The following ITPR1 variants were observed in gnomAD, a reference collection of about 807,000 sequenced individuals.
ITPR1 encodes inositol 1,4,5-trisphosphate-gated calcium channel ITPR1.
In ITPR1, 96 loss-of-function variants were observed where a neutral mutation model predicts 318.4. The observed-to-expected ratio is 0.30, with a 90% CI of 0.26 to 0.36. The LOEUF is 0.36. ITPR1 is among the 10% of genes least tolerant of loss of function. The pLI is 1.00. For synonymous variants in ITPR1, 1,312 were observed against 1,289.9 expected (o/e 1.02, Z -0.37); for missense variants, 2,440 against 3,460.2 (o/e 0.71, Z 7.40).
intron 4 of ITPR1, among the ~76,000 whole-genome samples, chr3:4,524,757 C>T (rs2082843803): frequency 6.6e-6 from 1 of 152,154 alleles, no homozygotes; most frequent in African/African-American, 2.4e-5. Flanking sequence ...GATCTGCAGC[C>T]CTAATGGTTA....
intron 4 of ITPR1, among the ~76,000 whole-genome samples, chr3:4,531,837 G>T (rs1408441659): frequency 6.6e-6 from 1 of 152,104 alleles, no homozygotes; most frequent in Non-Finnish European, 1.5e-5. Flanking sequence ...TTGTGTGCAG[G>T]CAAGCAGCTG....
At chr3:4,742,629 A>G (rs913668714) in intron 44 of ITPR1, among the ~76,000 whole-genome samples, 1 of 152,012 alleles carries the variant, frequency 6.6e-6, no homozygotes, top group Admixed American at 6.6e-5. Context: ...TTATTTGTTC[A>G]TATATATTTT....
At chr3:4,606,361 T>C (rs2091702001) in intron 4 of ITPR1, among the ~76,000 whole-genome samples, 1 of 152,088 alleles carries the variant, frequency 6.6e-6, no homozygotes, top group African/African-American at 2.4e-5. Flanking sequence ...ATGGCACTGA[T>C]GCTGCTGGTA....
At chr3:4,733,025 A>G in intron 42 of ITPR1, 63 bp from the exon 43 acceptor site, 1 of 1,538,658 alleles carries the variant, frequency 6.5e-7, no homozygotes. Context: ...TGTGTTTTGA[A>G]TATTCGTCCC....
At chr3:4,824,176 C>T (rs1196086159) in intron 60 of ITPR1, among the ~76,000 whole-genome samples, 1 of 152,166 alleles carries the variant, frequency 6.6e-6, no homozygotes, top group Non-Finnish European at 1.5e-5. Flanking sequence ...AATGCACCAG[C>T]GCTGCCGTTT....
intron 52 of ITPR1, 81 bp from the exon 53 acceptor site, chr3:4,794,984 C>T (rs1407221743): frequency 4.2e-6 from 6 of 1,441,170 alleles, no homozygotes; most frequent in Non-Finnish European, 4.6e-6. Flanking sequence ...TGGGGCAGAG[C>T]TGGCGGAAGG....
rs184134399 is a variant in ITPR1 at position 4,834,841 on chromosome 3, G to A, written c.8029-1933G>A. ...GCCCATTGCTCTGTGGTGGGAAATT[G>A]ATGAATATAAGCTAATGTTAAGACA... is the stretch of plus-strand genomic sequence containing the variant. On this transcript the variant is annotated intron_variant, in intron 60 of 61. Coordinates refer to ENST00000649015, the MANE Select transcript of ITPR1 (RefSeq NM_001378452.1). Among the ~76,000 whole-genome samples, 79 of 152,294 alleles carry A rather than the reference G, an allele frequency of 5.2e-4. 1 individual carries two copies. Among genetic ancestry groups the A allele is most frequent in the African/African-American group, 1.8e-3 (73 of 41,562 alleles).
chr3:4,668,957 CTT>C (rs1476881088), intron 18 of ITPR1, among the ~76,000 whole-genome samples: 1 of 152,228 alleles, frequency 6.6e-6, no homozygotes, highest in Non-Finnish European at 1.5e-5. Context: ...TTCCCCTTCT[CTT>C]GTCCTTCTAA....
chr3:4,510,081 G>T (rs2081688652), intron 2 of ITPR1, among the ~76,000 whole-genome samples: 1 of 152,218 alleles, frequency 6.6e-6, no homozygotes, highest in African/African-American at 2.4e-5. Context: ...GTCGGAGAGG[G>T]CTTCCCAGAG....
At chr3:4,792,961 C>A (rs998776525) in intron 52 of ITPR1, among the ~76,000 whole-genome samples, 1 of 151,986 alleles carries the variant, frequency 6.6e-6, no homozygotes, top group Non-Finnish European at 1.5e-5. Flanking sequence ...TCGGGAACCA[C>A]CACTAGATTG....
At chr3:4,750,786 A>G (rs1238754096) in intron 44 of ITPR1, 1 of 144,500 alleles carries the variant, frequency 6.9e-6, no homozygotes, top group East Asian at 2.0e-4. Context: ...TCTCACACCT[A>G]CTCATGATTC....
intron 54 of ITPR1, among the ~76,000 whole-genome samples, chr3:4,804,031 C>T (rs1375336848): frequency 6.6e-6 from 1 of 152,150 alleles, no homozygotes; most frequent in Non-Finnish European, 1.5e-5. Context: ...GCCGCCATGC[C>T]TGGCTAATTT....
chr3:4,571,305 C>T (rs1325137308), intron 4 of ITPR1, among the ~76,000 whole-genome samples: 9 of 152,206 alleles, frequency 5.9e-5, no homozygotes, highest in African/African-American at 2.2e-4. Flanking sequence ...CGTAATTTCA[C>T]TTCTTTTTCT....
chr3:4,532,552 G>A (rs1294310904), intron 4 of ITPR1, among the ~76,000 whole-genome samples: 1 of 151,976 alleles, frequency 6.6e-6, no homozygotes, highest in Non-Finnish European at 1.5e-5. Context: ...TGTATTTTTT[G>A]TAGAGACGGG....
At position 4,742,381 on chromosome 3, in the gene ITPR1, G is replaced by A. The variant is rs373234376; in HGVS notation, c.5544+7027G>A. Among the ~76,000 whole-genome samples, 6 of 152,298 alleles carry A rather than the reference G, an allele frequency of 3.9e-5. No homozygotes were observed. The South Asian group carries it at 8.3e-4, about 21-fold the overall frequency. ...GTAGACAAGTGGAGCTGCTGCCAGG[G>A]CTGCTGATTCTGTGGTGTGGGTACA... On this transcript the variant is annotated intron_variant, in intron 44 of 61. Transcript: ENST00000649015.
intron 10 of ITPR1, among the ~76,000 whole-genome samples, chr3:4,650,308 C>G (rs1258206081): frequency 6.6e-6 from 1 of 152,180 alleles, no homozygotes; most frequent in Non-Finnish European, 1.5e-5. Flanking sequence ...ATGCCTTCCA[C>G]AGTGAGTGGC....
chr3:4,840,029 CTTTTTTTT>C (rs56096727), intron 61 of ITPR1, among the ~76,000 whole-genome samples: 17 of 104,902 alleles, frequency 1.6e-4, no homozygotes, highest in African/African-American at 6.8e-4. Flanking sequence ...AGCATAGCTG[CTTTTTTTT>C]TTTTTTTTTT....
intron 46 of ITPR1, among the ~76,000 whole-genome samples, chr3:4,769,317 A>G (rs543058892): frequency 4.6e-5 from 7 of 152,224 alleles, no homozygotes; most frequent in African/African-American, 1.7e-4. Flanking sequence ...TGCCTGCCCC[A>G]TATATATTTG....
chr3:4,629,187 C>CTTTAT (rs548765828), intron 5 of ITPR1, among the ~76,000 whole-genome samples: 62 of 152,218 alleles, frequency 4.1e-4, no homozygotes, highest in East Asian at 2.9e-3. Context: ...GCCGTATGAG[C>CTTTAT]TTTATTTTAT....
Sources: gnomAD v4.1 joint callset for allele counts (sites outside exome capture counted in the v4.1 genomes callset) on GRCh38, gnomAD v4.1.1 for gene constraint, MANE v1.5 for transcripts, NCBI Gene and HGNC (gene_info 2026-07-23, HGNC 2026-07-21) for gene names.